COL5A2: variants seen among roughly 807,000 people sequenced by gnomAD.
The protein encoded by COL5A2 is collagen alpha-2(V) chain.
A neutral mutation model predicts 208.2 loss-of-function variants in COL5A2; 23 were observed. The ratio of observed to expected loss-of-function variants is 0.11; its 90% confidence interval spans 0.08 to 0.16. COL5A2 has a LOEUF of 0.16. Among genes scored for constraint, COL5A2 ranks in the 10% least tolerant of loss-of-function variants. COL5A2 has a pLI of 1.00. For synonymous variants in COL5A2, 625 were observed against 628.5 expected (o/e 0.99, Z 0.08); for missense variants, 1,590 against 1,956.4 (o/e 0.81, Z 3.53).
intron 1 of COL5A2, among the ~76,000 whole-genome samples, chr2:189,138,921 A>C (rs1352691711): frequency 6.6e-6 from 1 of 152,222 alleles, no homozygotes; most frequent in Admixed American, 6.5e-5. Flanking sequence ...GAATAGGACA[A>C]ATCTCCTATG....
chr2:189,101,686 A>G (rs1687049033), intron 3 of COL5A2, among the ~76,000 whole-genome samples: 1 of 152,080 alleles, frequency 6.6e-6, no homozygotes, highest in Non-Finnish European at 1.5e-5. Context: ...AAGTGAAATG[A>G]TGGACTTAAG....
upstream of COL5A2, among the ~76,000 whole-genome samples, chr2:189,228,149 T>G (rs1203830396): frequency 1.3e-5 from 2 of 151,858 alleles, no homozygotes; most frequent in Non-Finnish European, 2.9e-5. Flanking sequence ...TTAAAAGTTA[T>G]GGGATGCAGC....
the COL5A2 span, among the ~76,000 whole-genome samples, chr2:189,437,685 G>T: frequency 5.3e-5 from 8 of 152,100 alleles, no homozygotes; most frequent in African/African-American, 1.9e-4. Flanking sequence ...AAAATATATG[G>T]GATAGATAAG....
chr2:189,228,536 T>C (rs1053983189), upstream of COL5A2, among the ~76,000 whole-genome samples: 11 of 151,806 alleles, frequency 7.2e-5, no homozygotes, highest in Non-Finnish European at 1.3e-4. Context: ...AAGCCAATTA[T>C]AGATTATCCA....
chr2:189,259,271 A>T, the COL5A2 span, among the ~76,000 whole-genome samples: 1 of 152,184 alleles, frequency 6.6e-6, no homozygotes, highest in Non-Finnish European at 1.5e-5. Context: ...CAAAAATGTG[A>T]CTGAGTACTG....
the COL5A2 span, among the ~76,000 whole-genome samples, chr2:189,391,986 TTGAGA>T: frequency 1.3e-5 from 2 of 152,180 alleles, no homozygotes; most frequent in Non-Finnish European, 2.9e-5. Context: ...TAATGTTCAG[TTGAGA>T]TATTAGTTTG....
At chr2:189,175,597 G>A (rs1282577382) in intron 1 of COL5A2, among the ~76,000 whole-genome samples, 1 of 146,936 alleles carries the variant, frequency 6.8e-6, no homozygotes, top group Non-Finnish European at 1.5e-5. Flanking sequence ...AGACTGGAGT[G>A]CAGTGGCACG....
At chr2:189,136,387 A>G (rs997689198) in intron 1 of COL5A2, among the ~76,000 whole-genome samples, 1 of 150,346 alleles carries the variant, frequency 6.7e-6, no homozygotes, top group Non-Finnish European at 1.5e-5. Flanking sequence ...ATATATATGT[A>G]AAAGCTTCAT....
the COL5A2 span, among the ~76,000 whole-genome samples, chr2:189,231,178 GA>G: frequency 1.3e-5 from 2 of 151,704 alleles, no homozygotes; most frequent in Admixed American, 6.6e-5. Flanking sequence ...AGGAGGATGG[GA>G]AAATGAGGAG....
chr2:189,117,449 C>T (rs1259119940), intron 1 of COL5A2, among the ~76,000 whole-genome samples: 4 of 152,102 alleles, frequency 2.6e-5, no homozygotes, highest in Non-Finnish European at 5.9e-5. Context: ...TGTCTGCCTA[C>T]CTAAATACAT....
At chr2:189,380,366 A>G in the COL5A2 span, among the ~76,000 whole-genome samples, 1 of 151,972 alleles carries the variant, frequency 6.6e-6, no homozygotes, top group Admixed American at 6.6e-5. Flanking sequence ...AAAATATTTT[A>G]AGCTAAGAGT....
At chr2:189,059,069 G>A (rs1209625180) in intron 31 of COL5A2, among the ~76,000 whole-genome samples, 176 bp from the exon 32 acceptor site, 2 of 152,010 alleles carry the variant, frequency 1.3e-5, no homozygotes, top group Non-Finnish European at 2.9e-5. Flanking sequence ...AATATTACAT[G>A]TTTTAGATGA....
At chr2:189,087,686 C>T (rs1191348944) in intron 8 of COL5A2, among the ~76,000 whole-genome samples, 1 of 146,682 alleles carries the variant, frequency 6.8e-6, no homozygotes, top group African/African-American at 2.5e-5. Flanking sequence ...CCAGAATGGT[C>T]TCAATCTCCT....
chr2:189,110,217 A>G lies in COL5A2; in HGVS notation c.322+8T>C, dbSNP rs372227642. The G allele has an allele frequency of 4.6e-4, 727 of 1,597,406 alleles. 1 individual carries two copies. The highest frequency in any genetic ancestry group is 5.9e-4 in the Non-Finnish European group (688 of 1,165,314). ...GATCAATTATGAGTTGGCCCTAAAC[A>G]TTCTTACCAAAATTGGTATTGCCAC... is the stretch of plus-strand genomic sequence containing the variant. On this transcript the variant is annotated splice_region_variant and intron_variant, in intron 2 of 53. Coordinates refer to ENST00000374866, the MANE Select transcript of COL5A2 (RefSeq NM_000393.5).
upstream of COL5A2, among the ~76,000 whole-genome samples, chr2:189,229,169 G>T (rs1689451452): frequency 6.6e-6 from 1 of 151,546 alleles, no homozygotes; most frequent in Non-Finnish European, 1.5e-5. Flanking sequence ...ACATAACAAG[G>T]TTATATACAA....
chr2:189,300,307 A>T, the COL5A2 span, among the ~76,000 whole-genome samples: 2 of 152,228 alleles, frequency 1.3e-5, no homozygotes, highest in African/African-American at 2.4e-5. Flanking sequence ...CACTCTACAC[A>T]TTCTCAGAAG....
chr2:189,368,844 C>T, the COL5A2 span, among the ~76,000 whole-genome samples: 1 of 152,226 alleles, frequency 6.6e-6, no homozygotes, highest in East Asian at 1.9e-4. Flanking sequence ...ATCAGTTGAA[C>T]CATGTACTAT....
chr2:189,215,656 A>AAT (rs906664548), intron 1 of COL5A2, among the ~76,000 whole-genome samples: 1 of 152,020 alleles, frequency 6.6e-6, no homozygotes, highest in Admixed American at 6.6e-5. Flanking sequence ...GAAAAAACAA[A>AAT]ATATATATAT....
the COL5A2 span, among the ~76,000 whole-genome samples, chr2:189,360,309 G>A: frequency 1.2e-4 from 18 of 152,020 alleles, no homozygotes; most frequent in East Asian, 3.3e-3. Flanking sequence ...TTTTAATTAG[G>A]ATTTTGCCTA....
Sources: gnomAD v4.1 joint callset for allele counts (sites outside exome capture counted in the v4.1 genomes callset) on GRCh38, gnomAD v4.1.1 for gene constraint, MANE v1.5 for transcripts, NCBI Gene and HGNC (gene_info 2026-07-23, HGNC 2026-07-21) for gene names.